LRRC7: variants seen among roughly 807,000 people sequenced by gnomAD.
The protein encoded by LRRC7 is leucine-rich repeat-containing protein 7.
Under a neutral mutation model 175.7 loss-of-function variants are expected in LRRC7, and 23 were observed. The observed-to-expected ratio is 0.13, with a 90% CI of 0.09 to 0.19. LRRC7 has a LOEUF of 0.19. LRRC7 is among the 10% of genes least tolerant of loss of function. The pLI is 1.00. For synonymous variants in LRRC7, 685 were observed against 680.9 expected, an observed-to-expected ratio of 1.01 and a Z score of -0.09; for missense variants, 1,354 against 1,904.7, an observed-to-expected ratio of 0.71 and a Z score of 5.38.
chr1:69,628,278 C>G (rs1651926446), intron 1 of LRRC7, among the ~76,000 whole-genome samples: 1 of 152,018 alleles, frequency 6.6e-6, no homozygotes, highest in Admixed American at 6.6e-5. Flanking sequence ...GTGCTTATAC[C>G]AAAGTCATAG....
chr1:69,721,134 C>A (rs955405662), intron 2 of LRRC7, among the ~76,000 whole-genome samples: 3 of 151,866 alleles, frequency 2.0e-5, no homozygotes, highest in African/African-American at 7.2e-5. Flanking sequence ...CATTCACCAT[C>A]TATCCCCACA....
At chr1:69,801,738 ATTTCT>A (rs572847954) in intron 4 of LRRC7, among the ~76,000 whole-genome samples, 249 of 134,632 alleles carry the variant, frequency 1.8e-3, no homozygotes, top group Non-Finnish European at 3.0e-3. Flanking sequence ...GATTTTTTTT[ATTTCT>A]TTTCTTGTGC....
intron 8 of LRRC7, among the ~76,000 whole-genome samples, chr1:69,968,385 A>G (rs1288621337): frequency 6.6e-6 from 1 of 152,206 alleles, no homozygotes; most frequent in Non-Finnish European, 1.5e-5. Context: ...ATTTTGAGGA[A>G]TAATTGAGGA....
At chr1:70,101,345 A>G (rs941549359) in intron 25 of LRRC7, among the ~76,000 whole-genome samples, 9 of 152,342 alleles carry the variant, frequency 5.9e-5, no homozygotes, top group South Asian at 2.1e-4. Context: ...CCAATTTCTC[A>G]GCATCAGCTA....
chr1:69,639,599 C>A (rs183701951), intron 1 of LRRC7, among the ~76,000 whole-genome samples: 1 of 151,750 alleles, frequency 6.6e-6, no homozygotes, highest in Admixed American at 6.6e-5. Flanking sequence ...AGATTTCTGG[C>A]TCTCTGGCCC....
intron 6 of LRRC7, among the ~76,000 whole-genome samples, chr1:69,836,246 A>G (rs968422354): frequency 3.9e-5 from 6 of 151,980 alleles, no homozygotes; most frequent in African/African-American, 1.4e-4. Context: ...GCAGATCACG[A>G]CATCACTACA....
chr1:69,773,301 T>A (rs1351538702), intron 3 of LRRC7, among the ~76,000 whole-genome samples: 1 of 152,136 alleles, frequency 6.6e-6, no homozygotes, highest in Non-Finnish European at 1.5e-5. Context: ...CTTCATTCAT[T>A]GTAATGAAAT....
intron 2 of LRRC7, among the ~76,000 whole-genome samples, chr1:69,687,709 G>A (rs1334287523): frequency 3.4e-5 from 5 of 147,294 alleles, no homozygotes; most frequent in Admixed American, 6.7e-5. Context: ...AAGGGTTTTG[G>A]TCCCTTTTTT....
At chr1:70,060,451 T>C (rs188291773) in intron 23 of LRRC7, among the ~76,000 whole-genome samples, 4 of 152,312 alleles carry the variant, frequency 2.6e-5, no homozygotes, top group Non-Finnish European at 5.9e-5. Context: ...AAAGTAACTA[T>C]AATTTTTGGT....
chr1:69,749,215 G>A (rs1175550640), intron 2 of LRRC7, among the ~76,000 whole-genome samples: 4 of 152,182 alleles, frequency 2.6e-5, no homozygotes, highest in Admixed American at 2.0e-4. Flanking sequence ...TTTTCACCCA[G>A]GTGATATGAT....
At chr1:69,834,685 A>G (rs992582460) in intron 5 of LRRC7, 95 bp from the exon 6 acceptor site, 134 of 929,842 alleles carry the variant, frequency 1.4e-4, no homozygotes, top group Non-Finnish European at 2.2e-4. Context: ...AAAATGTATT[A>G]CATTTCTATT....
At chr1:69,621,350 G>A (rs896535268) in intron 1 of LRRC7, among the ~76,000 whole-genome samples, 10 of 152,052 alleles carry the variant, frequency 6.6e-5, no homozygotes, top group African/African-American at 2.4e-4. Context: ...CCAGCCTCTT[G>A]TATTTCTTTA....
chr1:70,024,884 AG>A (rs1229650130), intron 17 of LRRC7, among the ~76,000 whole-genome samples: 1 of 152,186 alleles, frequency 6.6e-6, no homozygotes, highest in African/African-American at 2.4e-5. Context: ...GATAAATTAT[AG>A]TTTCATCTTT....
At chr1:69,972,073 T>A (rs906982935) in intron 8 of LRRC7, among the ~76,000 whole-genome samples, 1 of 152,134 alleles carries the variant, frequency 6.6e-6, no homozygotes, top group Non-Finnish European at 1.5e-5. Flanking sequence ...AAGCCACATG[T>A]AGGAGAATGA....
In LRRC7 at chr1:69,671,709, G is replaced by A. The variant is rs560244629; in HGVS notation, c.3-6672G>A. On this transcript the variant is annotated intron_variant, in intron 1 of 26. Transcript: ENST00000651989. ...GGATGGGCAATACTCCTGTGGCTAG[G>A]GCTCGTTTAAAAACTCCCTCTGTGG... is the stretch of plus-strand genomic sequence containing the variant. Among the ~76,000 whole-genome samples the A allele has an allele frequency of 3.3e-5, 5 of 152,168 alleles. No homozygotes were observed. In the South Asian group the frequency reaches 1.0e-3, roughly 32 times the overall value.
intron 4 of LRRC7, among the ~76,000 whole-genome samples, chr1:69,817,445 T>C (rs1434591613): frequency 1.3e-5 from 2 of 152,066 alleles, no homozygotes; most frequent in Non-Finnish European, 2.9e-5. Flanking sequence ...TTGATATATA[T>C]GTGGCTTTTT....
intron 1 of LRRC7, among the ~76,000 whole-genome samples, chr1:69,581,567 G>C (rs1293299983): frequency 1.3e-5 from 2 of 152,110 alleles, no homozygotes; most frequent in Non-Finnish European, 2.9e-5. Context: ...CTAGAACATT[G>C]ACAGAATGAA....
intron 7 of LRRC7, among the ~76,000 whole-genome samples, chr1:69,925,111 T>A (rs955826543): frequency 3.9e-5 from 6 of 152,220 alleles, no homozygotes; most frequent in African/African-American, 1.4e-4. Flanking sequence ...TTTATTGATT[T>A]GCATATATTG....
intron 1 of LRRC7, among the ~76,000 whole-genome samples, chr1:69,655,820 C>T (rs1656529230): frequency 2.0e-5 from 3 of 151,972 alleles, no homozygotes; most frequent in South Asian, 2.1e-4. Context: ...ATAGTTTGTA[C>T]CTAATGTTAA....
Sources: allele counts gnomAD v4.1 joint callset (sites outside exome capture counted in the v4.1 genomes callset), GRCh38; gene constraint gnomAD v4.1.1; transcripts MANE v1.5; gene names NCBI Gene and HGNC (gene_info 2026-07-23, HGNC 2026-07-21).